The following SEMA3C variants were observed in gnomAD, a reference collection of about 807,000 sequenced individuals.
SEMA3C encodes semaphorin-3C.
Under a neutral mutation model 89.4 loss-of-function variants are expected in SEMA3C, and 47 were observed. That is an observed-to-expected ratio of 0.53 (90% confidence interval 0.42 to 0.67). SEMA3C has a LOEUF of 0.67. SEMA3C is among the 30% of genes least tolerant of loss of function. The pLI is 0.00. For synonymous variants in SEMA3C, 310 were observed against 320.2 expected (o/e 0.97, Z 0.34); for missense variants, 839 against 929.1 (o/e 0.90, Z 1.26).
At chr7:80,780,946 C>T (rs545097776) in intron 12 of SEMA3C, among the ~76,000 whole-genome samples, 9 of 152,252 alleles carry the variant, frequency 5.9e-5, no homozygotes, top group Non-Finnish European at 7.4e-5. Flanking sequence ...ACAGGTCTCA[C>T]TGCACTAAAA....
chr7:80,880,445 A>G (rs1424683264), intron 2 of SEMA3C, among the ~76,000 whole-genome samples: 2 of 152,222 alleles, frequency 1.3e-5, no homozygotes, highest in Non-Finnish European at 2.9e-5. Flanking sequence ...TATCTGTTAA[A>G]TGAATGAATG....
intron 9 of SEMA3C, 82 bp downstream of exon 9, chr7:80,802,583 A>G (rs2115671742): frequency 1.2e-6 from 1 of 802,182 alleles, no homozygotes; most frequent in East Asian, 2.6e-5. Flanking sequence ...TGGAAAGTAC[A>G]TCTTCTTTTG....
rs148931473 is a variant in SEMA3C at position 80,786,177 on chromosome 7, T to C, written c.1354+3129A>G. 4.3e-3 allele frequency among the ~76,000 whole-genome samples: 661 copies of C among 152,282 alleles called. 4 individuals are homozygous for C. Among genetic ancestry groups the C allele is most frequent in the African/African-American group, 0.015 (613 of 41,560 alleles). ...AAAAACATATGCCTAAATATTGTTT[T>C]TGAAAATGACACAAGTGTTTAAATA... is the stretch of plus-strand genomic sequence containing the variant. On this transcript the variant is annotated intron_variant, in intron 12 of 17. Coordinates refer to ENST00000265361, the MANE Select transcript of SEMA3C (RefSeq NM_006379.5).
intron 2 of SEMA3C, among the ~76,000 whole-genome samples, chr7:80,887,292 T>C (rs1021575654): frequency 2.0e-5 from 3 of 152,216 alleles, no homozygotes; most frequent in African/African-American, 7.2e-5. Context: ...CAATTTGGTA[T>C]AACAGAAATA....
At chr7:80,750,685 T>G (rs769843210) in intron 16 of SEMA3C, among the ~76,000 whole-genome samples, 1 of 151,808 alleles carries the variant, frequency 6.6e-6, no homozygotes, top group Non-Finnish European at 1.5e-5. Flanking sequence ...TCTAGAGAAG[T>G]TGAATTCATA....
At position 80,916,764 on chromosome 7, in the gene SEMA3C, A is replaced by C; in HGVS notation, c.18T>G (p.Ile6Met). 1 of 1,613,542 alleles carries C rather than the reference A, an allele frequency of 6.2e-7. No individual in the cohort carries two copies. The highest frequency in any genetic ancestry group is 2.2e-5 in the East Asian group (1 of 44,840). ...AAATAAATACTCCAACCAACACGCA[A>C]ATTGTCCGGAATGCCATTTCTTCAG... The part of the protein sequence containing the change: MAFRT[I>M]CVLVGVFICS... Residue 6 changes from isoleucine (I) to methionine (M), a missense_variant, in exon 2 of 18, where the codon ATT (isoleucine) becomes ATG (methionine). Ile to Met is a conservative substitution (Grantham distance 10). Transcript: ENST00000265361.
chr7:80,791,733 T>TA (rs1401878144), intron 11 of SEMA3C, among the ~76,000 whole-genome samples: 1 of 152,082 alleles, frequency 6.6e-6, no homozygotes, highest in Non-Finnish European at 1.5e-5. Context: ...GTTGACTCAG[T>TA]AAAAAAAGAA....
intron 2 of SEMA3C, among the ~76,000 whole-genome samples, chr7:80,893,186 T>A (rs2116159105): frequency 6.6e-6 from 1 of 152,294 alleles, no homozygotes; most frequent in South Asian, 2.1e-4. Context: ...TAATGTACCT[T>A]GAATTCCAAA....
intron 2 of SEMA3C, among the ~76,000 whole-genome samples, chr7:80,850,272 C>G (rs1426129853): frequency 6.6e-6 from 1 of 151,882 alleles, no homozygotes; most frequent in African/African-American, 2.4e-5. Context: ...GTATATATAC[C>G]AATGACCCCA....
At chr7:80,750,814 T>A (rs1340685543) in intron 16 of SEMA3C, among the ~76,000 whole-genome samples, 1 of 152,006 alleles carries the variant, frequency 6.6e-6, no homozygotes, top group Non-Finnish European at 1.5e-5. Context: ...CAGACGTGAC[T>A]GGCAGTATGT....
At chr7:80,815,553 G>GAAAAAAAAA (rs1789582066) in intron 5 of SEMA3C, among the ~76,000 whole-genome samples, 2 of 47,780 alleles carry the variant, frequency 4.2e-5, no homozygotes, top group Non-Finnish European at 8.7e-5. Flanking sequence ...CTTTAAATGG[G>GAAAAAAAAA]CAAAAAAAAA....
intron 2 of SEMA3C, among the ~76,000 whole-genome samples, chr7:80,856,175 T>C (rs1338178815): frequency 6.6e-6 from 1 of 152,164 alleles, no homozygotes; most frequent in African/African-American, 2.4e-5. Flanking sequence ...AAAAATTCAC[T>C]GTTCTTCCAA....
At chr7:80,754,957 G>GTTTTTTTTTTTTTTTTTTTTGT (rs1368382376) in intron 15 of SEMA3C, among the ~76,000 whole-genome samples, 3 of 108,390 alleles carry the variant, frequency 2.8e-5, no homozygotes, top group Non-Finnish European at 3.7e-5. Context: ...GTTTTTTTTT[G>GTTTTTTTTTTTTTTTTTTTTGT]TTTTTTTTTT....
intron 2 of SEMA3C, among the ~76,000 whole-genome samples, chr7:80,882,412 CTTTTTTTTTTTTTTT>C (rs763742493): frequency 4.3e-5 from 2 of 46,652 alleles, no homozygotes; most frequent in African/African-American, 1.9e-4. Flanking sequence ...GTAAGGGATG[CTTTTTTTTTTTTTTT>C]TTTTTTTTTT....
Position 80,743,366 on chromosome 7 carries a change from G to T in SEMA3C, c.*1528C>A, listed in dbSNP as rs954353816. ...TAATAATCATATTAATTTTGACAAT[G>T]ATTTTAGTTTTTGAAGTTTTAGACT... On this transcript the variant is annotated 3_prime_UTR_variant, in exon 18 of 18. Coordinates refer to ENST00000265361, the MANE Select transcript of SEMA3C (RefSeq NM_006379.5). The T allele has an allele frequency of 4.6e-5, 7 of 150,542 alleles. No individual in the cohort carries two copies. The highest frequency in any genetic ancestry group is 7.4e-5 in the African/African-American group (3 of 40,348). 9.3% of individuals were successfully genotyped at this position (150,542 alleles called of 1,614,324 possible).
At chr7:80,802,616 CTT>C in intron 9 of SEMA3C, 47 bp downstream of exon 9, 1 of 1,274,300 alleles carries the variant, frequency 7.8e-7, no homozygotes, top group Non-Finnish European at 1.1e-6. Flanking sequence ...AATATATAAA[CTT>C]TACAAGCCTT....
intron 17 of SEMA3C, among the ~76,000 whole-genome samples, chr7:80,747,694 G>T (rs1416046683): frequency 6.6e-6 from 1 of 152,120 alleles, no homozygotes. Context: ...AAAGAAAAGA[G>T]ATCTCAAATA....
At chr7:80,766,914 C>T (rs11972296) in intron 12 of SEMA3C, among the ~76,000 whole-genome samples, 15,249 of 152,206 alleles carry the variant, frequency 0.1, 838 homozygotes, top group Non-Finnish European at 0.12. Flanking sequence ...AAACACACTG[C>T]GCATGCTCTC....
chr7:80,823,787 C>A (rs1279460128), intron 4 of SEMA3C, among the ~76,000 whole-genome samples: 8 of 152,046 alleles, frequency 5.3e-5, no homozygotes, highest in Non-Finnish European at 1.2e-4. Context: ...TTACATAGTA[C>A]ATCCATTAAG....
Sources: gnomAD v4.1 joint callset for allele counts (sites outside exome capture counted in the v4.1 genomes callset) on GRCh38, gnomAD v4.1.1 for gene constraint, MANE v1.5 for transcripts, NCBI Gene and HGNC (gene_info 2026-07-23, HGNC 2026-07-21) for gene names.